Variants in MYO1D observed in about 807,000 individuals in gnomAD.
The protein encoded by MYO1D is unconventional myosin-Id.
In MYO1D, 83 loss-of-function variants were observed where a neutral mutation model predicts 122.0. The ratio of observed to expected loss-of-function variants is 0.68; its 90% CI spans 0.57 to 0.82. The LOEUF (loss-of-function observed/expected upper bound fraction) is 0.82, where lower values mean the gene tolerates loss of function less well. Ranked by LOEUF, MYO1D falls within the 40% of genes least tolerant of loss-of-function variation. MYO1D has a pLI of 0.00. For synonymous variants in MYO1D, 464 were observed against 446.9 expected (o/e 1.04, Z -0.48); for missense variants, 1,157 against 1,269.5 (o/e 0.91, Z 1.35).
chr17:32,703,487 C>T (rs1295683534), intron 16 of MYO1D, among the ~76,000 whole-genome samples: 1 of 150,128 alleles, frequency 6.7e-6, no homozygotes, highest in Non-Finnish European at 1.5e-5. Flanking sequence ...TGCTATATTG[C>T]CAAGGGTGGT....
At chr17:32,587,406 G>T (rs1031443407) in intron 21 of MYO1D, among the ~76,000 whole-genome samples, 2 of 151,942 alleles carry the variant, frequency 1.3e-5, no homozygotes, top group African/African-American at 4.8e-5. Flanking sequence ...CAGCTACTCG[G>T]GAGGCTGAGG....
chr17:32,857,874 G>A (rs1013234863), intron 1 of MYO1D, among the ~76,000 whole-genome samples: 5 of 152,182 alleles, frequency 3.3e-5, no homozygotes, highest in Admixed American at 2.0e-4. Context: ...TGCTACTTTC[G>A]GGGGTTACAT....
intron 1 of MYO1D, among the ~76,000 whole-genome samples, chr17:32,823,633 T>A (rs994351535): frequency 6.6e-6 from 1 of 151,740 alleles, no homozygotes; most frequent in African/African-American, 2.4e-5. Context: ...AAAAATTGAG[T>A]GATCAAAGGG....
intron 21 of MYO1D, among the ~76,000 whole-genome samples, chr17:32,600,729 T>C (rs1485819452): frequency 6.6e-6 from 1 of 152,236 alleles, no homozygotes; most frequent in African/African-American, 2.4e-5. Context: ...GCTGGTTTGA[T>C]CTTTTATCCA....
intron 14 of MYO1D, among the ~76,000 whole-genome samples, chr17:32,734,023 G>A (rs1034150110): frequency 2.0e-5 from 3 of 152,186 alleles, no homozygotes; most frequent in Admixed American, 2.0e-4. Context: ...CATTAAATGA[G>A]TTGAGTAGTT....
intron 21 of MYO1D, chr17:32,498,170 CT>C (rs1201904998): frequency 2.6e-5 from 4 of 152,276 alleles, no homozygotes; most frequent in African/African-American, 9.7e-5. Context: ...ACCTGTCCCT[CT>C]CCTGGACCAC....
intron 21 of MYO1D, among the ~76,000 whole-genome samples, chr17:32,572,639 T>A (rs1041453202): frequency 3.3e-5 from 5 of 152,160 alleles, no homozygotes; most frequent in Non-Finnish European, 5.9e-5. Flanking sequence ...AATCCCCTTA[T>A]CATTATCCAC....
chr17:32,659,923 A>G (rs868479604), intron 16 of MYO1D, among the ~76,000 whole-genome samples: 1 of 152,246 alleles, frequency 6.6e-6, no homozygotes, highest in Middle Eastern at 3.2e-3. Context: ...TTCAGTGCTC[A>G]CAAATCAATG....
At chr17:32,556,014 T>C (rs1178576408) in intron 21 of MYO1D, among the ~76,000 whole-genome samples, 4 of 152,202 alleles carry the variant, frequency 2.6e-5, no homozygotes, top group Non-Finnish European at 5.9e-5. Flanking sequence ...GCACTTATCA[T>C]ATCGAATTAT....
chr17:32,832,510 G>A (rs2090781792), intron 1 of MYO1D, among the ~76,000 whole-genome samples: 1 of 152,044 alleles, frequency 6.6e-6, no homozygotes, highest in Admixed American at 6.5e-5. Flanking sequence ...GTGTTAGCCA[G>A]GATGGTCTCG....
intron 1 of MYO1D, among the ~76,000 whole-genome samples, chr17:32,788,271 G>A (rs1421165420): frequency 1.3e-5 from 2 of 151,986 alleles, no homozygotes; most frequent in Non-Finnish European, 2.9e-5. Context: ...TATTTCTTTT[G>A]CTGTGCAGAA....
chr17:32,606,606 T>C (rs2087631055), intron 20 of MYO1D, among the ~76,000 whole-genome samples: 1 of 152,202 alleles, frequency 6.6e-6, no homozygotes, highest in Non-Finnish European at 1.5e-5. Context: ...AATCCACAGA[T>C]TGTATCAAGT....
chr17:32,582,795 C>T (rs556271720), intron 21 of MYO1D, among the ~76,000 whole-genome samples: 4 of 152,180 alleles, frequency 2.6e-5, no homozygotes, highest in South Asian at 2.1e-4. Context: ...TTCCCTTGTT[C>T]GTTTTTGCTT....
intron 16 of MYO1D, among the ~76,000 whole-genome samples, chr17:32,673,711 G>A (rs892714500): frequency 3.3e-5 from 5 of 152,154 alleles, no homozygotes; most frequent in South Asian, 2.1e-4. Flanking sequence ...AGGTGATATA[G>A]TGATATAGCA....
At chr17:32,836,564 T>A (rs561419892) in intron 1 of MYO1D, among the ~76,000 whole-genome samples, 1 of 152,204 alleles carries the variant, frequency 6.6e-6, no homozygotes, top group African/African-American at 2.4e-5. Flanking sequence ...ATCAGTGGAA[T>A]CATTTAGTAT....
intron 16 of MYO1D, among the ~76,000 whole-genome samples, chr17:32,710,179 T>C (rs2089357632): frequency 6.6e-6 from 1 of 152,046 alleles, no homozygotes; most frequent in East Asian, 1.9e-4. Context: ...CTAATATATA[T>C]AATAAAAGCT....
At chr17:32,844,349 A>G (rs545803229) in intron 1 of MYO1D, among the ~76,000 whole-genome samples, 18 of 146,674 alleles carry the variant, frequency 1.2e-4, no homozygotes, top group Non-Finnish European at 2.5e-4. Context: ...TATATATTAT[A>G]TGTGTATATA....
intron 14 of MYO1D, among the ~76,000 whole-genome samples, chr17:32,732,549 T>C (rs1007942499): frequency 6.6e-6 from 1 of 152,110 alleles, no homozygotes; most frequent in African/African-American, 2.4e-5. Context: ...GTCTCCTCTA[T>C]GCTGAGAGAT....
chr17:32,760,049 T>C, intron 10 of MYO1D: 7 of 691,122 alleles, frequency 1.0e-5, no homozygotes, highest in Admixed American at 2.1e-5. Context: ...AGCCATAAAG[T>C]GAAAACAGGT....
Sources: gnomAD v4.1 joint callset for allele counts (sites outside exome capture counted in the v4.1 genomes callset) on GRCh38, gnomAD v4.1.1 for gene constraint, MANE v1.5 for transcripts, NCBI Gene and HGNC (gene_info 2026-07-23, HGNC 2026-07-21) for gene names.